Variants in KLF13 observed in about 807,000 individuals in gnomAD.
The protein encoded by KLF13 is KLF transcription factor 13.
In KLF13, 8 loss-of-function variants were observed where a neutral mutation model predicts 16.7. The observed-to-expected ratio is 0.48, with a 90% CI of 0.28 to 0.87. The LOEUF is 0.87. KLF13 is among the 40% of genes least tolerant of loss of function. The pLI is 0.10. For missense variants in KLF13, 447 were observed against 452.2 expected, an observed-to-expected ratio of 0.99 and a Z score of 0.10; for synonymous variants, 245 against 208.4, an observed-to-expected ratio of 1.18 and a Z score of -1.51.
At chr15:31,356,356 C>G (rs1401364330) in intron 1 of KLF13, among the ~76,000 whole-genome samples, 1 of 152,174 alleles carries the variant, frequency 6.6e-6, no homozygotes, top group Admixed American at 6.5e-5. Flanking sequence ...GAGTTTCAGA[C>G]CAGCCTGACC....
intron 1 of KLF13, among the ~76,000 whole-genome samples, chr15:31,356,005 G>A (rs2039294320): frequency 6.6e-6 from 1 of 152,132 alleles, no homozygotes; most frequent in African/African-American, 2.4e-5. Context: ...CTCCTGGAAG[G>A]GGTGCACTGG....
intron 1 of KLF13, among the ~76,000 whole-genome samples, chr15:31,384,477 AC>A (rs774100915): frequency 3.3e-5 from 5 of 152,224 alleles, no homozygotes; most frequent in Non-Finnish European, 7.3e-5. Context: ...AGCAATTGTT[AC>A]CTTTAGGTAG....
downstream of KLF13, among the ~76,000 whole-genome samples, chr15:31,406,832 G>A (rs1047096537): frequency 6.6e-6 from 1 of 152,082 alleles, no homozygotes; most frequent in South Asian, 2.1e-4. Context: ...TCTGACTCCT[G>A]CCTCCCTCAT....
At chr15:31,409,036 G>GC (rs2040161465), downstream of KLF13, among the ~76,000 whole-genome samples, 1 of 152,182 alleles carries the variant, frequency 6.6e-6, no homozygotes, top group Non-Finnish European at 1.5e-5. Flanking sequence ...TGTAATCCCA[G>GC]CACTTTGGGA....
intron 1 of KLF13, among the ~76,000 whole-genome samples, chr15:31,386,674 A>G (rs1006331176): frequency 6.6e-5 from 10 of 152,236 alleles, no homozygotes; most frequent in African/African-American, 9.6e-5. Context: ...AACTGACTCT[A>G]TTTGAGGAAG....
At chr15:31,390,494 A>G (rs548208512), upstream of KLF13, among the ~76,000 whole-genome samples, 35 of 152,328 alleles carry the variant, frequency 2.3e-4, no homozygotes, top group Middle Eastern at 3.4e-3. Context: ...GATGCACTGC[A>G]GTTCTCAGCC....
At chr15:31,382,863 C>G (rs1449365767), downstream of KLF13, among the ~76,000 whole-genome samples, 1 of 152,238 alleles carries the variant, frequency 6.6e-6, no homozygotes, top group East Asian at 1.9e-4. Context: ...AGTACAAAGT[C>G]GTGACGGGCG....
At chr15:31,355,943 A>T (rs2039293248) in intron 1 of KLF13, among the ~76,000 whole-genome samples, 1 of 151,390 alleles carries the variant, frequency 6.6e-6, no homozygotes, top group Admixed American at 6.6e-5. Context: ...TCCAGGCCCC[A>T]CTTCCTGGAG....
At chr15:31,330,361 C>A (rs2038806363) in intron 1 of KLF13, among the ~76,000 whole-genome samples, 1 of 152,204 alleles carries the variant, frequency 6.6e-6, no homozygotes, top group Admixed American at 6.5e-5. Flanking sequence ...TCCCGCATTT[C>A]CAGGATCCAC....
At chr15:31,391,722 G>T (rs1174427501), upstream of KLF13, among the ~76,000 whole-genome samples, 2 of 151,158 alleles carry the variant, frequency 1.3e-5, no homozygotes, top group African/African-American at 4.9e-5. Context: ...GGGCTGTGGG[G>T]GGCTGTGTGG....
intron 1 of KLF13, among the ~76,000 whole-genome samples, chr15:31,429,567 A>C (rs1397997902): frequency 6.6e-6 from 1 of 152,202 alleles, no homozygotes; most frequent in African/African-American, 2.4e-5. Flanking sequence ...TGTACACTTA[A>C]AAATAGTTAA....
chr15:31,428,822 A>AAAAAAGAG (rs2040433452), intron 1 of KLF13, among the ~76,000 whole-genome samples: 1 of 144,248 alleles, frequency 6.9e-6, no homozygotes, highest in South Asian at 2.2e-4. Flanking sequence ...AAAAAAAAAA[A>AAAAAAGAG]AAAGAAAAAG....
intron 1 of KLF13, among the ~76,000 whole-genome samples, chr15:31,361,226 C>T (rs1047552992): frequency 1.6e-4 from 24 of 152,220 alleles, no homozygotes; most frequent in Admixed American, 8.5e-4. Context: ...CCTGCTTGCT[C>T]CTCCTGGAAC....
chr15:31,343,122 T>C (rs960391608), intron 1 of KLF13, among the ~76,000 whole-genome samples: 2 of 152,236 alleles, frequency 1.3e-5, no homozygotes, highest in African/African-American at 4.8e-5. Flanking sequence ...TGCTCTGCTC[T>C]TGTGGTCATG....
At chr15:31,395,275 C>T (rs10851545) in intron 2 of KLF13, among the ~76,000 whole-genome samples, 105,552 of 152,082 alleles carry the variant, frequency 0.69, 37,196 homozygotes, top group African/African-American at 0.82. Context: ...CCACTGTGCC[C>T]GGCCCCTACT....
chr15:31,407,500 A>G (rs2040143294), downstream of KLF13, among the ~76,000 whole-genome samples: 1 of 152,244 alleles, frequency 6.6e-6, no homozygotes, highest in African/African-American at 2.4e-5. Context: ...CTCAAAAATG[A>G]TACAGTAAGC....
chr15:31,354,790 T>C lies in KLF13; in HGVS notation c.578-17220T>C, dbSNP rs141375230. 5.3e-4 allele frequency among the ~76,000 whole-genome samples: 80 copies of C among 152,270 alleles called. No individual in the cohort carries two copies. The East Asian group carries it at 0.013, about 25-fold the overall frequency. On this transcript the variant is annotated intron_variant, in intron 1 of 1. Transcript: ENST00000307145. ...TGCTAGCCCCCTGCAGTCTTATCTC[T>C]GCCCCTCCCCCACCACCGTCCTCTC...
At chr15:31,348,049 A>C (rs2241779) in intron 1 of KLF13, among the ~76,000 whole-genome samples, 65,064 of 152,136 alleles carry the variant, frequency 0.43, 14,810 homozygotes, top group East Asian at 0.56. Context: ...CTGCACTTTC[A>C]GGGGGGTTTA....
downstream of KLF13, among the ~76,000 whole-genome samples, chr15:31,405,274 A>G (rs1245911392): frequency 3.3e-5 from 5 of 152,172 alleles, no homozygotes; most frequent in African/African-American, 1.2e-4. Context: ...AGATCGCACC[A>G]CTGCACTCCA....
Sources: allele counts gnomAD v4.1 joint callset (sites outside exome capture counted in the v4.1 genomes callset), GRCh38; gene constraint gnomAD v4.1.1; transcripts MANE v1.5; gene names NCBI Gene and HGNC (gene_info 2026-07-23, HGNC 2026-07-21).